The following NAALADL2 variants were observed in gnomAD, a reference collection of about 807,000 sequenced individuals.
The protein encoded by NAALADL2 is N-acetylated alpha-linked acidic dipeptidase like 2.
NAALADL2 carries 76 observed loss-of-function variants against 87.2 expected under a neutral mutation model. The ratio of observed to expected loss-of-function variants is 0.87; its 90% CI spans 0.72 to 1.05. The LOEUF is 1.05. NAALADL2 is among the 50% of genes least tolerant of loss of function. The pLI, the probability that NAALADL2 is intolerant of heterozygous loss-of-function variation, is 0.00. For missense variants in NAALADL2, 1,089 were observed against 945.8 expected, an observed-to-expected ratio of 1.15 and a Z score of -1.99; for synonymous variants, 354 against 331.0, an observed-to-expected ratio of 1.07 and a Z score of -0.75.
At chr3:175,798,801 T>C (rs748047370) in intron 13 of NAALADL2, among the ~76,000 whole-genome samples, 6 of 152,156 alleles carry the variant, frequency 3.9e-5, no homozygotes, top group South Asian at 4.1e-4. Flanking sequence ...TTCATGCTTA[T>C]GTGAATTGCC....
intron 1 of NAALADL2, among the ~76,000 whole-genome samples, chr3:174,444,815 G>A (rs1714920755): frequency 6.6e-6 from 1 of 152,172 alleles, no homozygotes; most frequent in African/African-American, 2.4e-5. Context: ...GTTAGGATTA[G>A]ATTTCAGATT....
intron 1 of NAALADL2, among the ~76,000 whole-genome samples, chr3:174,925,323 A>G (rs1015862415): frequency 5.3e-5 from 8 of 152,218 alleles, no homozygotes; most frequent in African/African-American, 1.9e-4. Context: ...TTTATTAAAA[A>G]GGGAATCCTT....
At chr3:175,150,545 T>C (rs1731401312) in intron 2 of NAALADL2, among the ~76,000 whole-genome samples, 1 of 152,216 alleles carries the variant, frequency 6.6e-6, no homozygotes, top group Non-Finnish European at 1.5e-5. Flanking sequence ...TGATCACGTT[T>C]ACCTCCAGAA....
intron 2 of NAALADL2, among the ~76,000 whole-genome samples, chr3:174,730,310 A>C (rs529967781): frequency 6.6e-6 from 1 of 151,954 alleles, no homozygotes; most frequent in African/African-American, 2.4e-5. Context: ...ATATTCATTA[A>C]TTTGTGGTTT....
chr3:175,630,816 A>T (rs545132201), intron 11 of NAALADL2, among the ~76,000 whole-genome samples: 74 of 151,580 alleles, frequency 4.9e-4, no homozygotes, highest in Non-Finnish European at 8.4e-4. Context: ...ATCGAGGTAT[A>T]CATTCTCAGT....
At chr3:174,854,496 G>A (rs1356946292), upstream of NAALADL2, among the ~76,000 whole-genome samples, 2 of 152,182 alleles carry the variant, frequency 1.3e-5, no homozygotes, top group African/African-American at 2.4e-5. Flanking sequence ...ATGGTTAACA[G>A]TAATTTATTG....
chr3:175,576,960 G>T (rs930085406), intron 10 of NAALADL2, among the ~76,000 whole-genome samples: 3 of 152,224 alleles, frequency 2.0e-5, no homozygotes, highest in Admixed American at 6.5e-5. Context: ...CTCAGAAGGG[G>T]TGCTTAAATT....
At position 175,226,558 on chromosome 3, in the gene NAALADL2, C is replaced by T. The variant is rs576726132; in HGVS notation, c.546-7373C>T. ...GAAAACTGACTTATTTAATCTAGGACGTTCAACATCTTGATTGCATTATCT... is the reference window on the plus strand; with the variant it reads ...GAAAACTGACTTATTTAATCTAGGATGTTCAACATCTTGATTGCATTATCT... On this transcript the variant is annotated intron_variant, in intron 2 of 13. Transcript: ENST00000454872. 2.0e-4 allele frequency among the ~76,000 whole-genome samples: 31 copies of T among 152,168 alleles called. No homozygotes were observed. The South Asian group carries it at 4.1e-3, about 20-fold the overall frequency.
At position 175,730,421 on chromosome 3, in the gene NAALADL2, TATATATATATATATATATATATAC is replaced by T. The variant is rs1309578188; in HGVS notation, c.1897-6883_1897-6860del. 4.5e-3 allele frequency among the ~76,000 whole-genome samples: 512 copies of T among 113,812 alleles called. 9 individuals carry two copies. The highest frequency in any genetic ancestry group is 0.014 in the African/African-American group (405 of 29,710). The allele number at this position is 113,812 out of a possible 152,430, so 74.7% of individuals were successfully genotyped here. The stretch of plus-strand genomic sequence containing the variant: ...ATATATATATATATATATATATATA[TATATATATATATATATATATATAC>T]ACACATACACACGCACACACACACG... On this transcript the variant is annotated intron_variant, in intron 11 of 13. Coordinates refer to ENST00000454872, the MANE Select transcript of NAALADL2 (RefSeq NM_207015.3).
intron 1 of NAALADL2, among the ~76,000 whole-genome samples, chr3:174,501,599 T>G (rs1418807484): frequency 6.6e-6 from 1 of 152,212 alleles, no homozygotes; most frequent in Non-Finnish European, 1.5e-5. Context: ...CAAATGGCTA[T>G]GTATTTATTC....
intron 2 of NAALADL2, among the ~76,000 whole-genome samples, chr3:175,170,264 AT>A (rs748758688): frequency 1.5e-4 from 23 of 151,470 alleles, no homozygotes; most frequent in Admixed American, 4.6e-4. Context: ...ATGAAAATAA[AT>A]TGATGATTTG....
intron 1 of NAALADL2, among the ~76,000 whole-genome samples, chr3:175,054,378 G>A (rs1446237569): frequency 2.0e-5 from 3 of 152,174 alleles, no homozygotes; most frequent in Admixed American, 6.5e-5. Flanking sequence ...TGACTATTAA[G>A]GGCCAATTTT....
intron 3 of NAALADL2, among the ~76,000 whole-genome samples, chr3:174,832,210 A>G (rs1233957980): frequency 6.6e-6 from 1 of 151,766 alleles, no homozygotes; most frequent in Non-Finnish European, 1.5e-5. Flanking sequence ...TAGGGTGTCA[A>G]TTTTGGATCT....
rs550971229 is a variant in NAALADL2, at chr3:174,596,212, G to T, written c.-115+45575G>T. Reference sequence around the variant, plus strand: ...TTTAACCCTTTACCATTTTCCTTCTGCCCTACTACTTTAGTGAAATTGCTT... The same window carrying T: ...TTTAACCCTTTACCATTTTCCTTCTTCCCTACTACTTTAGTGAAATTGCTT... On this transcript the variant is annotated intron_variant, in intron 2 of 3. Transcript: ENST00000434257. Among the ~76,000 whole-genome samples, 16 of 152,082 alleles carry T rather than the reference G, an allele frequency of 1.1e-4. No homozygotes were observed. The South Asian group carries it at 3.1e-3, about 30-fold the overall frequency.
At chr3:175,312,689 C>T (rs1758536066) in intron 4 of NAALADL2, among the ~76,000 whole-genome samples, 1 of 152,196 alleles carries the variant, frequency 6.6e-6, no homozygotes, top group Non-Finnish European at 1.5e-5. Context: ...CTTACTAGCT[C>T]TGACCCTGGG....
chr3:174,995,565 A>G (rs1237926418), intron 1 of NAALADL2, among the ~76,000 whole-genome samples: 1 of 152,184 alleles, frequency 6.6e-6, no homozygotes, highest in Non-Finnish European at 1.5e-5. Flanking sequence ...TACTTTCATC[A>G]CATAATTTTC....
chr3:174,805,202 G>T (rs1171160126), intron 3 of NAALADL2, among the ~76,000 whole-genome samples: 1 of 152,040 alleles, frequency 6.6e-6, no homozygotes, highest in Non-Finnish European at 1.5e-5. Flanking sequence ...AAAACCAAGT[G>T]GTTGCTTCCT....
At chr3:175,008,756 G>C (rs1431176373) in intron 1 of NAALADL2, among the ~76,000 whole-genome samples, 3 of 152,064 alleles carry the variant, frequency 2.0e-5, no homozygotes, top group African/African-American at 7.2e-5. Flanking sequence ...GGTAGGCTAG[G>C]GTTTGGAGGT....
At chr3:175,016,750 T>C (rs537903776) in intron 1 of NAALADL2, among the ~76,000 whole-genome samples, 2 of 152,146 alleles carry the variant, frequency 1.3e-5, no homozygotes, top group South Asian at 4.2e-4. Context: ...TAATGAATTA[T>C]ATTTTTTCCT....
Sources: gnomAD v4.1 joint callset for allele counts (sites outside exome capture counted in the v4.1 genomes callset) on GRCh38, gnomAD v4.1.1 for gene constraint, MANE v1.5 for transcripts, NCBI Gene and HGNC (gene_info 2026-07-23, HGNC 2026-07-21) for gene names.